Variants in CLCF1 observed in about 807,000 individuals in gnomAD.
CLCF1 encodes cardiotrophin-like cytokine factor 1.
A neutral mutation model predicts 21.2 loss-of-function variants in CLCF1; 10 were observed. The observed-to-expected ratio is 0.47, with a 90% CI of 0.29 to 0.80. The LOEUF (loss-of-function observed/expected upper bound fraction) is 0.80, where lower values mean the gene tolerates loss of function less well. Ranked by LOEUF, CLCF1 falls within the 30% of genes least tolerant of loss-of-function variation. The pLI is 0.09. For synonymous variants in CLCF1, 115 were observed against 120.5 expected, an observed-to-expected ratio of 0.95 and a Z score of 0.30; for missense variants, 240 against 293.4, an observed-to-expected ratio of 0.82 and a Z score of 1.33.
At chr11:67,373,943 G>A (rs1270579508), upstream of CLCF1, 1 of 1,010,348 alleles carries the variant, frequency 9.9e-7, no homozygotes, top group Non-Finnish European at 1.2e-6. Context: ...CCAGGAGCCG[G>A]GGGACAGCGC....
rs1369156117 is a variant in CLCF1, at chr11:67,372,446, C to T, written c.16+1078G>A. 1.3e-5 allele frequency among the ~76,000 whole-genome samples: 2 copies of T among 152,052 alleles called. No individual in the cohort carries two copies. Among genetic ancestry groups the T allele is most frequent in the East Asian group, 1.9e-4 (1 of 5,144 alleles). ...CCCCGGGGACTCTTTCGAAGGTTTCCTTCGAGGGGCTCGGCCGGGAAGCTG... is the reference window on the plus strand; with the variant it reads ...CCCCGGGGACTCTTTCGAAGGTTTCTTTCGAGGGGCTCGGCCGGGAAGCTG... On this transcript the variant is annotated intron_variant, in intron 1 of 2. Coordinates refer to ENST00000312438, the MANE Select transcript of CLCF1 (RefSeq NM_013246.3). The surrounding 1 kb of genome is among the most constrained non-coding windows in gnomAD (Gnocchi z 5.9).
In CLCF1 at chr11:67,365,757, C is replaced by A; in HGVS notation, c.184-127G>T. 1 of 1,384,226 alleles carries A rather than the reference C, an allele frequency of 7.2e-7. No individual in the cohort carries two copies. The allele number at this position is 1,384,226 out of a possible 1,614,324, so 85.7% of individuals were successfully genotyped here. A position where few individuals can be genotyped will look rare whatever the true frequency, so the allele number is the denominator to read the frequency against. ...ACACTGGCCCTGTCTCCATGCTAGG[C>A]TTCTTTGTTCATGGCCTCCCTGAGT... On this transcript the variant is annotated intron_variant, in intron 2 of 2. Coordinates refer to ENST00000312438, the MANE Select transcript of CLCF1 (RefSeq NM_013246.3). This position sits in a 1 kb window ranked among gnomAD's most constrained non-coding sequence, Gnocchi z 5.0.
intron 1 of CLCF1, 68 bp from the exon 2 acceptor site, chr11:67,367,694 C>A: frequency 6.4e-7 from 1 of 1,566,392 alleles, no homozygotes; most frequent in East Asian, 2.4e-5. Flanking sequence ...CTGGCAGCCC[C>A]TCAGGTGTCT....
At chr11:67,373,828 C>T (rs1862289586), upstream of CLCF1, 4 of 1,069,464 alleles carry the variant, frequency 3.7e-6, no homozygotes, top group African/African-American at 1.7e-5. Flanking sequence ...CTCCCTCTCC[C>T]TCCCACAGCA....
chr11:67,365,370 C>T lies in CLCF1; in HGVS notation c.444G>A (p.Ala148=), dbSNP rs147960206. The T allele has an allele frequency of 1.6e-5, 26 of 1,612,990 alleles. No individual in the cohort carries two copies. In the African/African-American group the frequency reaches 2.8e-4, roughly 17 times the overall value. ...TSLQGLLGSI[A]GVMAALGYPL... ...GGTAGCCCAGAGCTGCCATGACGCC[C>T]GCAATGCTGCCCAGCAGGCCCTGGA... Residue 148 remains alanine (A), a synonymous_variant, in exon 3 of 3, where the codon GCG becomes GCA. Coordinates refer to ENST00000312438, the MANE Select transcript of CLCF1 (RefSeq NM_013246.3). The surrounding 1 kb of genome is among the most constrained non-coding windows in gnomAD (Gnocchi z 5.0).
At chr11:67,369,000 T>C (rs1862175897) in intron 1 of CLCF1, 1 of 973,352 alleles carries the variant, frequency 1.0e-6, no homozygotes, top group South Asian at 4.9e-5. Context: ...TATAATGACA[T>C]AGGTTGCTTT....
At chr11:67,371,629 C>CGGGGAGCCAGG (rs1157751759) in intron 1 of CLCF1, among the ~76,000 whole-genome samples, 1 of 151,854 alleles carries the variant, frequency 6.6e-6, no homozygotes, top group African/African-American at 2.4e-5. Flanking sequence ...GGGAGGCCAG[C>CGGGGAGCCAGG]GGGGAGCCAG....
At chr11:67,368,083 C>A (rs1790739) in intron 1 of CLCF1, 38,764 of 985,276 alleles carry the variant, frequency 0.039, 1,154 homozygotes, top group African/African-American at 0.14. Flanking sequence ...CATGTCAGAG[C>A]TGGCAGGCTG....
At chr11:67,367,906 ATGTGTGCCACTGTG>A (rs1395865822) in intron 1 of CLCF1, 3 of 985,160 alleles carry the variant, frequency 3.0e-6, no homozygotes, top group East Asian at 1.1e-4. Flanking sequence ...AGTCTTTGGC[ATGTGTGCCACTGTG>A]TGTGTGCCAA....
At chr11:67,373,832 C>T (rs1358727136), upstream of CLCF1, 11 of 1,057,352 alleles carry the variant, frequency 1.0e-5, no homozygotes, top group Non-Finnish European at 1.3e-5. Context: ...CTCTCCCTCC[C>T]ACAGCACCGA....
intron 1 of CLCF1, chr11:67,370,511 A>G: frequency 2.1e-6 from 2 of 975,022 alleles, no homozygotes; most frequent in Non-Finnish European, 1.2e-6. Context: ...GTGAGGAGCT[A>G]ACGAGTACAG....
At chr11:67,367,158 T>C (rs1232619097) in intron 2 of CLCF1, among the ~76,000 whole-genome samples, 1 of 143,488 alleles carries the variant, frequency 7.0e-6, no homozygotes, top group Non-Finnish European at 1.5e-5. Context: ...CACAACACGG[T>C]GTAAACAGAG....
chr11:67,365,551 G>A lies in CLCF1; in HGVS notation c.263C>T (p.Thr88Ile), dbSNP rs1862077607. The change falls in exon 3 of 3, where the codon ACT becomes ATT. Residue 88 changes from threonine to isoleucine, a missense_variant. Thr to Ile is a moderately conservative substitution (Grantham distance 89). Transcript: ENST00000312438. The surrounding 1 kb of genome is among the most constrained non-coding windows in gnomAD (Gnocchi z 5.0). ...GCTTCGCCACACCTCCAAGTCAACA[G>A]TGGCCCTGGGCAGAGTCTCTGCCCC... ...RLGAETLPRA[T>I]VDLEVWRSLN... The A allele has an allele frequency of 6.2e-7, 1 of 1,614,012 alleles. No homozygotes were observed. The highest frequency in any genetic ancestry group is 8.5e-7 in the Non-Finnish European group (1 of 1,179,860).
Position 67,365,728 on chromosome 11 carries a change from C to G in CLCF1, c.184-98G>C, listed in dbSNP as rs1456192597. The G allele has an allele frequency of 8.0e-6, 12 of 1,491,564 alleles. No homozygotes were observed. The East Asian group carries it at 2.5e-4, about 31-fold the overall frequency. The allele number at this position is 1,491,564 out of a possible 1,614,324, so 92.4% of individuals were successfully genotyped here. On this transcript the variant is annotated intron_variant, in intron 2 of 2. Transcript: ENST00000312438. This position sits in a 1 kb window ranked among gnomAD's most constrained non-coding sequence, Gnocchi z 5.0. ...CCCAAAGTTTCTATTTTTTGTGTCC[C>G]CTGACACTGGCCCTGTCTCCATGCT...
intron 1 of CLCF1, among the ~76,000 whole-genome samples, chr11:67,373,273 T>C (rs1309226004): frequency 6.6e-6 from 1 of 150,632 alleles, no homozygotes; most frequent in East Asian, 2.0e-4. Context: ...GGTTGCCGCC[T>C]CCCCAGGTCT....
chr11:67,367,771 A>G, intron 1 of CLCF1, 145 bp from the exon 2 acceptor site: 1 of 1,506,124 alleles, frequency 6.6e-7, no homozygotes, highest in South Asian at 1.2e-5. Flanking sequence ...GGGATGGAGG[A>G]GGGGAAACAC....
rs567064085 is a variant in CLCF1, at chr11:67,372,581, C to G, written c.16+943G>C. On this transcript the variant is annotated intron_variant, in intron 1 of 2. Transcript: ENST00000312438. The surrounding 1 kb of genome is among the most constrained non-coding windows in gnomAD (Gnocchi z 5.9). ...TGTGGCCTCGGCGCCCCCGGCCCCG[C>G]CCCCTCCCGCTCCCGCCCGGTCGCT... Among the ~76,000 whole-genome samples, 1 of 150,190 alleles carries G rather than the reference C, an allele frequency of 6.7e-6. No individual in the cohort carries two copies. The highest frequency in any genetic ancestry group is 1.5e-5 in the Non-Finnish European group (1 of 67,288).
Position 67,365,866 on chromosome 11 carries a change from AAGG to A in CLCF1, c.184-239_184-237del, listed in dbSNP as rs1321664892. ...GCTCTCCAATGGAGAGGCGTAGAAA[AAGG>A]AGGAGGAGGAGACGCACAAGACGCT... On this transcript the variant is annotated intron_variant, in intron 2 of 2. Transcript: ENST00000312438. The surrounding 1 kb of genome is among the most constrained non-coding windows in gnomAD (Gnocchi z 5.0). 1.3e-5 allele frequency among the ~76,000 whole-genome samples: 2 copies of A among 152,136 alleles called. No homozygotes were observed. Among genetic ancestry groups the A allele is most frequent in the South Asian group, 2.1e-4 (1 of 4,816 alleles).
Position 67,365,264 on chromosome 11 carries a change from CG to C in CLCF1, c.549del (p.Asp183GlufsTer6), listed in dbSNP as rs1315968997. The C allele has an allele frequency of 1.2e-6, 2 of 1,613,882 alleles. No individual in the cohort carries two copies. The highest frequency in any genetic ancestry group is 2.7e-5 in the African/African-American group (2 of 74,942). ...PAHSDFLQKM[D>X]DFWLLKELQT... The stretch of plus-strand genomic sequence containing the variant: ...TGCAGCTCCTTCAGCAGCCAGAAGT[CG>C]TCCATCTTCTGGAGGAAGTCACTGT... On this transcript the variant is annotated frameshift_variant, in exon 3 of 3. Transcript: ENST00000312438. LOFTEE classifies it high-confidence loss of function. The surrounding 1 kb of genome is among the most constrained non-coding windows in gnomAD (Gnocchi z 5.0).
Sources: gnomAD v4.1 joint callset for allele counts (sites outside exome capture counted in the v4.1 genomes callset) on GRCh38, gnomAD v4.1.1 for gene constraint, Gnocchi (gnomAD v3.1) non-coding constraint, MANE v1.5 for transcripts, NCBI Gene and HGNC (gene_info 2026-07-23, HGNC 2026-07-21) for gene names.